PAX5: variants seen among roughly 807,000 people sequenced by gnomAD.
PAX5 encodes paired box protein Pax-5.
PAX5 carries 9 observed loss-of-function variants against 43.7 expected under a neutral mutation model. That is an observed-to-expected ratio of 0.21 (90% CI 0.12 to 0.36). PAX5 has a LOEUF of 0.36. PAX5 is among the 10% of genes least tolerant of loss of function. The pLI is 1.00. For synonymous variants in PAX5, 228 were observed against 214.3 expected, an observed-to-expected ratio of 1.06 and a Z score of -0.56; for missense variants, 383 against 532.7, an observed-to-expected ratio of 0.72 and a Z score of 2.77.
At chr9:37,002,981 T>TG (rs1838043343) in intron 4 of PAX5, 1 of 568,348 alleles carries the variant, frequency 1.8e-6, no homozygotes, top group Non-Finnish European at 3.0e-6. Context: ...TTCTCTGCGA[T>TG]GGGGGGAGAA....
At chr9:36,933,859 C>T (rs573259589) in intron 6 of PAX5, among the ~76,000 whole-genome samples, 50 of 152,316 alleles carry the variant, frequency 3.3e-4, no homozygotes, top group African/African-American at 1.2e-3. Context: ...GCCAGACCCT[C>T]CCCTTGCCAG....
At chr9:36,931,053 A>C in intron 6 of PAX5, 1 of 446,568 alleles carries the variant, frequency 2.2e-6, no homozygotes, top group Non-Finnish European at 4.5e-6. Flanking sequence ...TCAGATGGCC[A>C]CCTGGGGCCA....
At chr9:36,884,951 G>A (rs1467430253) in intron 7 of PAX5, among the ~76,000 whole-genome samples, 2 of 152,162 alleles carry the variant, frequency 1.3e-5, no homozygotes, top group Non-Finnish European at 2.9e-5. Context: ...ACATCACTCT[G>A]CCTCCGAGTT....
At chr9:36,872,669 A>T (rs571945889) in intron 8 of PAX5, among the ~76,000 whole-genome samples, 121 of 152,246 alleles carry the variant, frequency 7.9e-4, no homozygotes, top group Non-Finnish European at 1.5e-3. Context: ...ACATGTGTGT[A>T]TCAGTTTCTC....
At chr9:36,852,688 G>A (rs4326460) in intron 8 of PAX5, among the ~76,000 whole-genome samples, 35,685 of 152,150 alleles carry the variant, frequency 0.23, 4,351 homozygotes, top group Middle Eastern at 0.3. Context: ...GCCTAACCCC[G>A]AGCAATGCAC....
chr9:36,997,149 C>T (rs1458987220), intron 5 of PAX5, among the ~76,000 whole-genome samples: 3 of 152,180 alleles, frequency 2.0e-5, no homozygotes, highest in African/African-American at 7.2e-5. Flanking sequence ...CCATGAGAGT[C>T]TCATCAGACT....
At chr9:36,938,338 A>AAC (rs1329962669) in intron 6 of PAX5, among the ~76,000 whole-genome samples, 1 of 152,208 alleles carries the variant, frequency 6.6e-6, no homozygotes, top group Non-Finnish European at 1.5e-5. Context: ...CATGTAAACA[A>AAC]ACACACGTCT....
Position 37,030,373 on chromosome 9 carries a change from T to C in PAX5, c.46+3613A>G, listed in dbSNP as rs903151719. On this transcript the variant is annotated intron_variant, in intron 1 of 9. Transcript: ENST00000358127. ...CGACAGCCCAGAGAGGTTACGTGAC[T>C]AGCTCGAGGCTGCACAGCAAGTCCA... Among the ~76,000 whole-genome samples the C allele has an allele frequency of 1.4e-4, 21 of 152,268 alleles. No individual in the cohort carries two copies. In the South Asian group the frequency reaches 2.3e-3, roughly 17 times the overall value.
chr9:36,969,947 T>C (rs1159379773), intron 5 of PAX5, among the ~76,000 whole-genome samples: 2 of 152,264 alleles, frequency 1.3e-5, no homozygotes, highest in Non-Finnish European at 2.9e-5. Context: ...TAATTAGTTA[T>C]TCATTGGTTT....
At chr9:37,004,387 C>A (rs2132411197) in intron 4 of PAX5, among the ~76,000 whole-genome samples, 1 of 152,346 alleles carries the variant, frequency 6.6e-6, no homozygotes, top group East Asian at 1.9e-4. Flanking sequence ...CAATCTCAGA[C>A]ACACTTCCTT....
At chr9:36,958,397 C>G (rs1406879067) in intron 6 of PAX5, among the ~76,000 whole-genome samples, 2 of 151,762 alleles carry the variant, frequency 1.3e-5, no homozygotes, top group African/African-American at 4.8e-5. Context: ...CTTTGACCAT[C>G]AGGAAGCTCA....
At chr9:36,847,127 C>T (rs1240529892) in intron 8 of PAX5, among the ~76,000 whole-genome samples, 198 bp from the exon 9 acceptor site, 9 of 152,190 alleles carry the variant, frequency 5.9e-5, no homozygotes, top group Non-Finnish European at 1.0e-4. Flanking sequence ...TCTGTATTTC[C>T]CCTCCTTATC....
At chr9:37,027,218 G>A (rs1840479582) in intron 1 of PAX5, among the ~76,000 whole-genome samples, 1 of 152,216 alleles carries the variant, frequency 6.6e-6, no homozygotes, top group African/African-American at 2.4e-5. Flanking sequence ...GGGTCCTGGC[G>A]GGTTTGGAGA....
At chr9:37,026,485 C>G in intron 1 of PAX5, 1 of 1,307,554 alleles carries the variant, frequency 7.6e-7, no homozygotes, top group Non-Finnish European at 1.0e-6. Context: ...GCACCCCCAA[C>G]CCGGTCCCGG....
intron 7 of PAX5, among the ~76,000 whole-genome samples, chr9:36,916,064 A>T (rs1829709590): frequency 6.6e-6 from 1 of 152,042 alleles, no homozygotes; most frequent in South Asian, 2.1e-4. Context: ...ATTGAAAAAA[A>T]AAAAAAATCC....
intron 7 of PAX5, among the ~76,000 whole-genome samples, chr9:36,898,367 T>C (rs1401642246): frequency 6.6e-6 from 1 of 152,038 alleles, no homozygotes; most frequent in Non-Finnish European, 1.5e-5. Context: ...CTTCACAGGG[T>C]TGTCTGAGGT....
intron 5 of PAX5, among the ~76,000 whole-genome samples, chr9:36,982,987 T>C (rs1465901666): frequency 6.6e-6 from 1 of 152,148 alleles, no homozygotes; most frequent in African/African-American, 2.4e-5. Context: ...AGTATGGCAT[T>C]TAATGGATGG....
At chr9:36,869,983 AATGG>A (rs1401270580) in intron 8 of PAX5, among the ~76,000 whole-genome samples, 32 of 15,462 alleles carry the variant, frequency 2.1e-3, no homozygotes, top group African/African-American at 5.9e-3. Flanking sequence ...TGGATGGATA[AATGG>A]ATGGATGGAT....
At position 36,855,640 on chromosome 9, in the gene PAX5, G is replaced by A. The variant is rs141990508; in HGVS notation, c.1013-8711C>T. Among the ~76,000 whole-genome samples, 475 of 152,232 alleles carry A rather than the reference G, an allele frequency of 3.1e-3. 1 individual carries two copies. The highest frequency in any genetic ancestry group is 0.011 in the African/African-American group (458 of 41,534). On this transcript the variant is annotated intron_variant, in intron 8 of 9. Coordinates refer to ENST00000358127, the MANE Select transcript of PAX5 (RefSeq NM_016734.3). ...CTTTGTGAAGATCAACACCCCAGAC[G>A]CCGCCTGGTGGCGGTCAAGGCCCTT...
Sources: gnomAD v4.1 joint callset for allele counts (sites outside exome capture counted in the v4.1 genomes callset) on GRCh38, gnomAD v4.1.1 for gene constraint, MANE v1.5 for transcripts, NCBI Gene and HGNC (gene_info 2026-07-23, HGNC 2026-07-21) for gene names.